The following BCKDHB variants were observed in gnomAD, a reference collection of about 807,000 sequenced individuals.
The protein encoded by BCKDHB is 2-oxoisovalerate dehydrogenase subunit beta, mitochondrial.
In BCKDHB, 41 loss-of-function variants were observed where a neutral mutation model predicts 48.5. That is an observed-to-expected ratio of 0.85 (90% CI 0.66 to 1.10). BCKDHB has a LOEUF of 1.10. Ranked by LOEUF, BCKDHB falls within the 50% of genes least tolerant of loss-of-function variation. The pLI is 0.00. For synonymous variants in BCKDHB, 201 were observed against 174.8 expected (o/e 1.15, Z -1.18); for missense variants, 496 against 494.2 (o/e 1.00, Z -0.03).
At chr6:80,351,616 A>G in the BCKDHB span, among the ~76,000 whole-genome samples, 12 of 149,322 alleles carry the variant, frequency 8.0e-5, no homozygotes, top group African/African-American at 2.7e-4. Context: ...AAGATTTTTC[A>G]TATCAATAGA....
At chr6:80,347,504 GT>G (rs1385765733), downstream of BCKDHB, among the ~76,000 whole-genome samples, 1 of 152,190 alleles carries the variant, frequency 6.6e-6, no homozygotes, top group East Asian at 1.9e-4. Flanking sequence ...CCTACAGTGG[GT>G]TGTAGTTAAA....
the BCKDHB span, among the ~76,000 whole-genome samples, chr6:80,460,263 G>T: frequency 1.3e-5 from 2 of 152,122 alleles, no homozygotes; most frequent in Non-Finnish European, 2.9e-5. Context: ...CAAAGATAAT[G>T]TATTTAAGAC....
At chr6:80,280,089 A>C (rs529043306) in intron 9 of BCKDHB, among the ~76,000 whole-genome samples, 1 of 152,214 alleles carries the variant, frequency 6.6e-6, no homozygotes, top group African/African-American at 2.4e-5. Flanking sequence ...GCTGTAGCGT[A>C]AGGTAAGCGT....
At chr6:80,310,309 G>A (rs975789364) in intron 9 of BCKDHB, among the ~76,000 whole-genome samples, 1 of 151,920 alleles carries the variant, frequency 6.6e-6, no homozygotes, top group African/African-American at 2.4e-5. Flanking sequence ...GTGTCCATGT[G>A]TTCTCATCAT....
chr6:80,148,559 AG>A (rs1771601474), intron 3 of BCKDHB, among the ~76,000 whole-genome samples: 1 of 152,234 alleles, frequency 6.6e-6, no homozygotes, highest in African/African-American at 2.4e-5. Flanking sequence ...GAATGATTAT[AG>A]CAATTATCAT....
chr6:80,419,901 TTCCTC>T, the BCKDHB span, among the ~76,000 whole-genome samples: 3 of 152,224 alleles, frequency 2.0e-5, no homozygotes, highest in Non-Finnish European at 4.4e-5. Flanking sequence ...TGCTAATTCT[TTCCTC>T]TACTTGATTA....
intron 8 of BCKDHB, among the ~76,000 whole-genome samples, chr6:80,256,355 AG>A (rs1777050420): frequency 1.3e-5 from 2 of 152,194 alleles, no homozygotes; most frequent in African/African-American, 4.8e-5. Context: ...TACTGCTCCT[AG>A]ACTATAAACC....
chr6:80,174,051 A>G (rs769654417), intron 6 of BCKDHB, among the ~76,000 whole-genome samples: 59 of 152,126 alleles, frequency 3.9e-4, no homozygotes, highest in Non-Finnish European at 2.2e-4. Flanking sequence ...CAGCCTGACA[A>G]TTTCTAAGTG....
In BCKDHB at chr6:80,167,781, T is replaced by A; in HGVS notation, c.447T>A (p.Phe149Leu). Residue 149 changes from phenylalanine to leucine, a missense_variant, in exon 4 of 10, where the codon TTT (phenylalanine) becomes TTA (leucine). Transcript: ENST00000320393. ...CTACTGCCATTGCGGAAATTCAGTT[T>A]GCAGATTATATTTTCCCTGCATTTG... ...TGATAIAEIQ[F>L]ADYIFPAFDQ... 1 of 1,614,010 alleles carries A rather than the reference T, an allele frequency of 6.2e-7. No homozygotes were observed. Among genetic ancestry groups the A allele is most frequent in the South Asian group, 1.1e-5 (1 of 91,068 alleles).
chr6:80,425,142 C>A, the BCKDHB span, among the ~76,000 whole-genome samples: 14 of 152,266 alleles, frequency 9.2e-5, no homozygotes, highest in African/African-American at 3.1e-4. Context: ...TGACTTTACA[C>A]TAATTTGCCA....
intron 8 of BCKDHB, among the ~76,000 whole-genome samples, chr6:80,254,989 T>G (rs1776991087): frequency 6.6e-6 from 1 of 152,224 alleles, no homozygotes; most frequent in South Asian, 2.1e-4. Context: ...CCCCAAAGTG[T>G]GTGAAACAAC....
chr6:80,111,260 A>C (rs1332344690), intron 1 of BCKDHB, among the ~76,000 whole-genome samples: 1 of 152,226 alleles, frequency 6.6e-6, no homozygotes, highest in African/African-American at 2.4e-5. Context: ...CATGACGTCC[A>C]GAGTTACCTG....
At chr6:80,436,363 C>T in the BCKDHB span, among the ~76,000 whole-genome samples, 2 of 151,692 alleles carry the variant, frequency 1.3e-5, no homozygotes, top group African/African-American at 4.8e-5. Flanking sequence ...GGGGTTTCAC[C>T]GTGTTAGCCA....
At chr6:80,268,021 A>G (rs950027895) in intron 8 of BCKDHB, among the ~76,000 whole-genome samples, 41 of 152,046 alleles carry the variant, frequency 2.7e-4, no homozygotes, top group Non-Finnish European at 3.7e-4. Context: ...ACATTCTCTG[A>G]AGCTCAGGAC....
the BCKDHB span, among the ~76,000 whole-genome samples, chr6:80,434,390 T>C: frequency 6.6e-6 from 1 of 151,670 alleles, no homozygotes; most frequent in Non-Finnish European, 1.5e-5. Flanking sequence ...ATTTTAATAA[T>C]ACTCATAATA....
chr6:80,359,246 T>C, the BCKDHB span, among the ~76,000 whole-genome samples: 3 of 152,158 alleles, frequency 2.0e-5, no homozygotes, highest in African/African-American at 7.2e-5. Flanking sequence ...ACTGAGCAGG[T>C]AGAGACCTTG....
chr6:80,308,797 G>C (rs374433577), intron 9 of BCKDHB, among the ~76,000 whole-genome samples: 5 of 151,560 alleles, frequency 3.3e-5, no homozygotes, highest in African/African-American at 9.7e-5. Context: ...GAGTTTCACC[G>C]TGTCTCGATC....
the BCKDHB span, among the ~76,000 whole-genome samples, chr6:80,457,346 C>G: frequency 6.6e-6 from 1 of 152,280 alleles, no homozygotes; most frequent in East Asian, 1.9e-4. Context: ...AATGCTGACA[C>G]CAGCAGAAAA....
intron 8 of BCKDHB, among the ~76,000 whole-genome samples, chr6:80,241,979 C>G (rs1419387713): frequency 6.6e-6 from 1 of 152,084 alleles, no homozygotes; most frequent in Non-Finnish European, 1.5e-5. Flanking sequence ...ATATACATTG[C>G]AAGTATCCTT....
Sources: allele counts gnomAD v4.1 joint callset (sites outside exome capture counted in the v4.1 genomes callset), GRCh38; gene constraint gnomAD v4.1.1; transcripts MANE v1.5; gene names NCBI Gene and HGNC (gene_info 2026-07-23, HGNC 2026-07-21).